Variants in PRLR observed in about 807,000 individuals in gnomAD.
PRLR encodes the protein prolactin receptor.
Under a neutral mutation model 40.2 loss-of-function variants are expected in PRLR, and 13 were observed. The ratio of observed to expected loss-of-function variants is 0.32; its 90% CI spans 0.21 to 0.51. The LOEUF (loss-of-function observed/expected upper bound fraction) is 0.51, where lower values mean the gene tolerates loss of function less well. Ranked by LOEUF, PRLR falls within the 20% of genes least tolerant of loss-of-function variation. The probability of loss-of-function intolerance (pLI) is 0.97; values close to 1 mark genes in which losing one functional copy is unlikely to be tolerated. For synonymous variants in PRLR, 269 were observed against 278.7 expected (o/e 0.97, Z 0.35); for missense variants, 656 against 747.3 (o/e 0.88, Z 1.42).
At chr5:35,158,445 T>A (rs753062551) in intron 1 of PRLR, among the ~76,000 whole-genome samples, 1 of 152,184 alleles carries the variant, frequency 6.6e-6, no homozygotes, top group Non-Finnish European at 1.5e-5. Flanking sequence ...CATATTCATA[T>A]TAAGTACACA....
chr5:35,171,563 G>A (rs970459844), intron 1 of PRLR, among the ~76,000 whole-genome samples: 3 of 152,232 alleles, frequency 2.0e-5, no homozygotes, highest in Non-Finnish European at 4.4e-5. Context: ...ACAGGGGAAA[G>A]GAGATGCTTT....
At chr5:35,049,813 A>T (rs573879153) in intron 8 of PRLR, among the ~76,000 whole-genome samples, 1 of 152,054 alleles carries the variant, frequency 6.6e-6, no homozygotes, top group Admixed American at 6.5e-5. Context: ...AAGGATTCCT[A>T]GGTCAAAATG....
intron 1 of PRLR, among the ~76,000 whole-genome samples, chr5:35,153,477 G>A (rs1579738575): frequency 6.6e-6 from 1 of 152,222 alleles, no homozygotes. Flanking sequence ...CCTCACAAAA[G>A]CCATATGTAA....
intron 5 of PRLR, among the ~76,000 whole-genome samples, chr5:35,076,360 A>G (rs1337290239): frequency 1.3e-5 from 2 of 152,208 alleles, no homozygotes; most frequent in African/African-American, 4.8e-5. Flanking sequence ...ATGACCTGAT[A>G]AAGCTGAAAA....
At chr5:35,217,056 C>A (rs962372079) in intron 1 of PRLR, among the ~76,000 whole-genome samples, 1 of 152,196 alleles carries the variant, frequency 6.6e-6, no homozygotes, top group Non-Finnish European at 1.5e-5. Flanking sequence ...TCTTAGCAAG[C>A]CTCTAGCTCC....
At chr5:35,101,041 C>T (rs1419527591) in intron 2 of PRLR, among the ~76,000 whole-genome samples, 1 of 152,164 alleles carries the variant, frequency 6.6e-6, no homozygotes, top group African/African-American at 2.4e-5. Context: ...ATGGTAACTA[C>T]TACATTTAAC....
intron 2 of PRLR, among the ~76,000 whole-genome samples, chr5:35,100,108 G>A (rs1771779929): frequency 6.6e-6 from 1 of 151,294 alleles, no homozygotes; most frequent in Non-Finnish European, 1.5e-5. Flanking sequence ...AACCTGGGAG[G>A]CGGAGTTTGC....
chr5:35,076,580 GA>G (rs1181473219), intron 5 of PRLR, among the ~76,000 whole-genome samples: 2 of 152,216 alleles, frequency 1.3e-5, no homozygotes, highest in Non-Finnish European at 2.9e-5. Flanking sequence ...TGGTGTACCT[GA>G]AAGTGACAGG....
chr5:35,203,409 T>C (rs554318203), intron 1 of PRLR, among the ~76,000 whole-genome samples: 1 of 152,294 alleles, frequency 6.6e-6, no homozygotes, highest in Admixed American at 6.5e-5. Flanking sequence ...ACCAACTGGA[T>C]GGAAGAAAAG....
chr5:35,126,267 G>A (rs1428555568), intron 1 of PRLR, among the ~76,000 whole-genome samples: 1 of 151,734 alleles, frequency 6.6e-6, no homozygotes, highest in Non-Finnish European at 1.5e-5. Flanking sequence ...AGAGTGCCAT[G>A]TGTAGTTTCT....
intron 2 of PRLR, among the ~76,000 whole-genome samples, chr5:35,105,969 C>T (rs1467001940): frequency 1.3e-5 from 2 of 152,142 alleles, no homozygotes; most frequent in African/African-American, 4.8e-5. Context: ...TTACGGGCAG[C>T]CAGAGAGAAA....
intron 2 of PRLR, among the ~76,000 whole-genome samples, chr5:35,102,806 G>T (rs187204531): frequency 6.6e-6 from 1 of 152,132 alleles, no homozygotes. Context: ...GCCTCCCAAA[G>T]TGCTGGGATT....
At position 35,065,748 on chromosome 5, in the gene PRLR, G is replaced by C. The variant is rs781408820; in HGVS notation, c.1210C>G (p.Pro404Ala). The change falls in exon 10 of 10, where the codon CCC (proline) becomes GCC (alanine). Residue 404 changes from proline to alanine, a missense_variant. Transcript: ENST00000618457. ...TTGGATCCACCAGCATGAAAATAGG[G>C]GATTTTGCCTTCCATGCTTATGCAC... The part of the protein sequence containing the change: ...PQCISMEGKI[P>A]YFHAGGSKCS... 1.2e-5 allele frequency: 19 copies of C among 1,614,018 alleles called. No individual in the cohort carries two copies. Among genetic ancestry groups the C allele is most frequent in the African/African-American group, 4.0e-5 (3 of 74,918 alleles).
chr5:35,162,493 A>G lies in PRLR; in HGVS notation c.-105-44371T>C, dbSNP rs549864717. On this transcript the variant is annotated intron_variant, in intron 1 of 9. Transcript: ENST00000618457. ...AAATAAGTGGGAATACAAAAGTAGC[A>G]TAAGAATGAATTTTACCGGATTCTT... 4.6e-5 allele frequency among the ~76,000 whole-genome samples: 7 copies of G among 152,382 alleles called. No individual in the cohort carries two copies. In the East Asian group the frequency reaches 7.7e-4, roughly 17 times the overall value.
chr5:35,186,741 G>C (rs897368945), intron 1 of PRLR, among the ~76,000 whole-genome samples: 4 of 152,140 alleles, frequency 2.6e-5, no homozygotes, highest in African/African-American at 9.7e-5. Context: ...AACTCATTTT[G>C]CTCCACCCTT....
intron 1 of PRLR, among the ~76,000 whole-genome samples, chr5:35,178,637 A>C (rs1216539011): frequency 6.6e-6 from 1 of 152,202 alleles, no homozygotes; most frequent in African/African-American, 2.4e-5. Flanking sequence ...CCATTACCTC[A>C]CTGAATTACG....
At chr5:35,136,989 C>G (rs888244131) in intron 1 of PRLR, among the ~76,000 whole-genome samples, 1 of 151,100 alleles carries the variant, frequency 6.6e-6, no homozygotes, top group Non-Finnish European at 1.5e-5. Flanking sequence ...TTCCTGAGCT[C>G]CTCTAACAGA....
At chr5:35,104,411 G>T (rs554747244) in intron 2 of PRLR, among the ~76,000 whole-genome samples, 1 of 152,256 alleles carries the variant, frequency 6.6e-6, no homozygotes, top group African/African-American at 2.4e-5. Context: ...GTCAGTGGAA[G>T]TAGGGGGGTG....
At chr5:35,122,468 G>A (rs909335667) in intron 1 of PRLR, among the ~76,000 whole-genome samples, 2 of 152,190 alleles carry the variant, frequency 1.3e-5, no homozygotes, top group South Asian at 2.1e-4. Flanking sequence ...TGTTCTCATC[G>A]TTCAGCTCCC....
Sources: gnomAD v4.1 joint callset for allele counts (sites outside exome capture counted in the v4.1 genomes callset) on GRCh38, gnomAD v4.1.1 for gene constraint, MANE v1.5 for transcripts, NCBI Gene and HGNC (gene_info 2026-07-23, HGNC 2026-07-21) for gene names.